The following RC3H1 variants were observed in gnomAD, a reference collection of about 807,000 sequenced individuals.
RC3H1 encodes roquin-1.
In RC3H1, 50 loss-of-function variants were observed where a neutral mutation model predicts 138.2. That is an observed-to-expected ratio of 0.36 (90% confidence interval 0.29 to 0.46). The LOEUF (loss-of-function observed/expected upper bound fraction) is 0.46. RC3H1 is among the 20% of genes least tolerant of loss of function. The probability of loss-of-function intolerance (pLI) is 1.00; values close to 1 mark genes in which losing one functional copy is unlikely to be tolerated. For missense variants in RC3H1, 1,031 were observed against 1,388.1 expected, an observed-to-expected ratio of 0.74 and a Z score of 4.09; for synonymous variants, 462 against 489.1, an observed-to-expected ratio of 0.94 and a Z score of 0.73.
intron 19 of RC3H1, among the ~76,000 whole-genome samples, chr1:173,940,432 T>C (rs1658800966): frequency 6.6e-6 from 1 of 151,958 alleles, no homozygotes; most frequent in African/African-American, 2.4e-5. Context: ...GATCGTGCCA[T>C]TGCACTCCAG....
intron 1 of RC3H1, among the ~76,000 whole-genome samples, chr1:174,017,606 T>C (rs975295082): frequency 9.9e-5 from 15 of 152,074 alleles, no homozygotes; most frequent in Admixed American, 9.2e-4. Context: ...GTGTTTCCTT[T>C]TGGGGTAATG....
chr1:173,984,093 G>A (rs1660927867), intron 3 of RC3H1, among the ~76,000 whole-genome samples: 1 of 152,152 alleles, frequency 6.6e-6, no homozygotes, highest in South Asian at 2.1e-4. Flanking sequence ...ACCGCCTATA[G>A]CATAGCATAT....
intron 18 of RC3H1, among the ~76,000 whole-genome samples, chr1:173,942,720 CT>C (rs1658950802): frequency 6.6e-6 from 1 of 151,810 alleles, no homozygotes; most frequent in East Asian, 1.9e-4. Context: ...GTCCCAGCTA[CT>C]TGGGAGGCTG....
chr1:173,955,354 G>GT (rs1284544871), intron 13 of RC3H1, among the ~76,000 whole-genome samples: 3 of 132,040 alleles, frequency 2.3e-5, no homozygotes, highest in African/African-American at 8.6e-5. Flanking sequence ...GTCTTGCTCT[G>GT]TCACCTAGGT....
rs1491144329 is a variant in RC3H1 at position 173,936,778 on chromosome 1, T to TTAAA, written c.*1942_*1943insTTTA. 2 of 97,050 alleles carry TTAAA rather than the reference T, an allele frequency of 2.1e-5. No individual in the cohort carries two copies. The highest frequency in any genetic ancestry group is 4.3e-5 in the Non-Finnish European group (2 of 46,982). The allele number at this position is 97,050 out of a possible 1,614,324, so 6.0% of individuals were successfully genotyped here. A position where few individuals can be genotyped will look rare whatever the true frequency, so the allele number is the denominator to read the frequency against. Reference sequence around the variant, plus strand: ...ATATATATATTTTTTTTTTTTTTTTTAAAAAAAGAAGACAAATGTATAAGA... The same window carrying TTAAA: ...ATATATATATTTTTTTTTTTTTTTTTTAAAAAAAAAAGAAGACAAATGTATAAGA... On this transcript the variant is annotated 3_prime_UTR_variant, in exon 20 of 20. Coordinates refer to ENST00000367696, the MANE Select transcript of RC3H1 (RefSeq NM_172071.4).
At chr1:173,968,898 G>A (rs78757922) in intron 9 of RC3H1, among the ~76,000 whole-genome samples, 10 of 135,894 alleles carry the variant, frequency 7.4e-5, no homozygotes, top group East Asian at 2.1e-4. Flanking sequence ...TCGCACTGTC[G>A]TTCAGGCTGG....
intron 12 of RC3H1, 69 bp from the exon 13 acceptor site, chr1:173,961,313 A>G (rs1216779002): frequency 1.5e-6 from 2 of 1,373,010 alleles, no homozygotes; most frequent in African/African-American, 1.5e-5. Flanking sequence ...TAATATACTC[A>G]GCGTATATTT....
chr1:173,938,519 C>T lies in RC3H1; in HGVS notation c.*202G>A. On this transcript the variant is annotated 3_prime_UTR_variant, in exon 20 of 20. Transcript: ENST00000367696. ...TGCAGATACTGCTAATTTTCTTTTT[C>T]TTTAAATTAAAAAAATGCATTAATG... 1 of 382,038 alleles carries T rather than the reference C, an allele frequency of 2.6e-6. No individual in the cohort carries two copies. The allele number at this position is 382,038 out of a possible 1,614,324, so 23.7% of individuals were successfully genotyped here.
intron 1 of RC3H1, among the ~76,000 whole-genome samples, chr1:174,020,771 G>A (rs1276669127): frequency 1.3e-5 from 2 of 152,206 alleles, no homozygotes; most frequent in Admixed American, 6.5e-5. Context: ...CACTTTGGGA[G>A]GCGGAGGAGG....
chr1:174,021,930 C>G (rs1362342394), intron 1 of RC3H1, among the ~76,000 whole-genome samples, 166 bp downstream of exon 1: 2 of 152,220 alleles, frequency 1.3e-5, no homozygotes, highest in African/African-American at 4.8e-5. Flanking sequence ...CCAGAACAGC[C>G]GGCGGGGGCC....
Position 174,022,117 on chromosome 1 carries a change from T to G in RC3H1, c.-172A>C, listed in dbSNP as rs1193603319. The stretch of plus-strand genomic sequence containing the variant: ...TCACCGCGCTGGTCCGAGCAGCAGC[T>G]CCTCTCAGCTCCGAGTCCCCGCGGC... On this transcript the variant is annotated 5_prime_UTR_variant, in exon 1 of 20. Transcript: ENST00000367696. This position sits in a 1 kb window ranked among gnomAD's most constrained non-coding sequence, Gnocchi z 4.2. 5 of 396,924 alleles carry G rather than the reference T, an allele frequency of 1.3e-5. No individual in the cohort carries two copies. Among genetic ancestry groups the G allele is most frequent in the Non-Finnish European group, 2.2e-5 (5 of 225,710 alleles). The allele number at this position is 396,924 out of a possible 1,614,324, so 24.6% of individuals were successfully genotyped here.
intron 1 of RC3H1, among the ~76,000 whole-genome samples, chr1:174,008,376 T>C (rs1188995665): frequency 1.3e-5 from 2 of 152,108 alleles, no homozygotes; most frequent in African/African-American, 4.8e-5. Flanking sequence ...TAATTGCAGA[T>C]ACTTGAAAAA....
In RC3H1 at chr1:173,934,241, A is replaced by C. The variant is rs1312425811; in HGVS notation, c.*4480T>G. 2.6e-5 allele frequency: 4 copies of C among 152,118 alleles called. No individual in the cohort carries two copies. The highest frequency in any genetic ancestry group is 2.1e-4 in the South Asian group (1 of 4,830). The allele number at this position is 152,118 out of a possible 1,614,324, so 9.4% of individuals were successfully genotyped here. The stretch of plus-strand genomic sequence containing the variant: ...AAAGTATTTTGTCTTGAATTTTAAC[A>C]ATCTGTACATGTACTGACTATAGTT... On this transcript the variant is annotated 3_prime_UTR_variant, in exon 20 of 20. Transcript: ENST00000367696.
chr1:174,008,357 A>C (rs1557952876), intron 1 of RC3H1, among the ~76,000 whole-genome samples: 1 of 152,202 alleles, frequency 6.6e-6, no homozygotes, highest in Non-Finnish European at 1.5e-5. Flanking sequence ...ACAATGTCAC[A>C]GAGACTTTTA....
intron 1 of RC3H1, among the ~76,000 whole-genome samples, chr1:174,011,029 C>T (rs1295481637): frequency 6.6e-6 from 1 of 152,256 alleles, no homozygotes; most frequent in Admixed American, 6.5e-5. Flanking sequence ...ATTATCTGTA[C>T]TAGCCTTATG....
rs1393433970 is a variant in RC3H1, at chr1:173,992,909, C to T, written c.77G>A (p.Arg26Gln). Residue 26 changes from arginine (R) to glutamine (Q), a missense_variant, in exon 2 of 20, where the codon CGA becomes CAA. By Grantham distance (43) the Arg-to-Gln change is conservative (BLOSUM62 1). Coordinates refer to ENST00000367696, the MANE Select transcript of RC3H1 (RefSeq NM_172071.4). Reference protein sequence around the residue: ...ICTQTFDETIRKPISLGCGHT... With the variant: ...ICTQTFDETIQKPISLGCGHT... ...GCCACAACCCAAACTGATGGGCTTTCGAATTGTTTCGTCGAAAGTCTGAGT... is the reference window on the plus strand; with the variant it reads ...GCCACAACCCAAACTGATGGGCTTTTGAATTGTTTCGTCGAAAGTCTGAGT... 5.6e-6 allele frequency: 9 copies of T among 1,613,858 alleles called. No homozygotes were observed. The highest frequency in any genetic ancestry group is 1.3e-5 in the African/African-American group (1 of 74,838).
In RC3H1 at chr1:173,938,098, T is replaced by C. The variant is rs1017512200; in HGVS notation, c.*623A>G. On this transcript the variant is annotated 3_prime_UTR_variant, in exon 20 of 20. Transcript: ENST00000367696. Reference sequence around the variant, plus strand: ...AAAAGCTTCAATGTCAAGAAAAATATACGTATCCAATGAAGCTAGTGATCT... The same window carrying C: ...AAAAGCTTCAATGTCAAGAAAAATACACGTATCCAATGAAGCTAGTGATCT... 8 of 152,170 alleles carry C rather than the reference T, an allele frequency of 5.3e-5. No individual in the cohort carries two copies. The highest frequency in any genetic ancestry group is 1.9e-4 in the African/African-American group (8 of 41,436). The allele number at this position is 152,170 out of a possible 1,614,324, so 9.4% of individuals were successfully genotyped here.
intron 3 of RC3H1, 49 bp from the exon 4 acceptor site, chr1:173,983,706 A>T (rs749059066): frequency 1.3e-6 from 2 of 1,594,506 alleles, no homozygotes; most frequent in Admixed American, 1.7e-5. Flanking sequence ...GCAATTTTAC[A>T]GTCCAGGAGC....
At chr1:173,987,289 T>C (rs1661068300) in intron 2 of RC3H1, among the ~76,000 whole-genome samples, 1 of 152,170 alleles carries the variant, frequency 6.6e-6, no homozygotes, top group South Asian at 2.1e-4. Flanking sequence ...GCACGGGAGA[T>C]TTGTTTCTTT....
Sources: gnomAD v4.1 joint callset for allele counts (sites outside exome capture counted in the v4.1 genomes callset) on GRCh38, gnomAD v4.1.1 for gene constraint, Gnocchi (gnomAD v3.1) non-coding constraint, MANE v1.5 for transcripts, NCBI Gene and HGNC (gene_info 2026-07-23, HGNC 2026-07-21) for gene names.